The following ATF3 variants were observed in gnomAD, a reference collection of about 807,000 sequenced individuals.
ATF3 encodes activating transcription factor 3.
ATF3 carries 10 observed loss-of-function variants against 18.4 expected under a neutral mutation model. That is an observed-to-expected ratio of 0.54 (90% CI 0.34 to 0.92). The LOEUF is 0.92. Among genes scored for constraint, ATF3 ranks in the 40% least tolerant of loss-of-function variants. The pLI, the probability that ATF3 is intolerant of heterozygous loss-of-function variation, is 0.02. For synonymous variants in ATF3, 78 were observed against 87.9 expected (o/e 0.89, Z 0.63); for missense variants, 183 against 222.3 (o/e 0.82, Z 1.12).
chr1:212,614,284 C>T (rs112179309), intron 1 of ATF3, among the ~76,000 whole-genome samples: 188 of 152,306 alleles, frequency 1.2e-3, no homozygotes, highest in African/African-American at 3.9e-3. Flanking sequence ...ACAACTCCCC[C>T]ACAATACAGT....
chr1:212,585,233 G>T (rs944711513), intron 1 of ATF3, among the ~76,000 whole-genome samples: 2 of 152,204 alleles, frequency 1.3e-5, no homozygotes, highest in Non-Finnish European at 2.9e-5. Flanking sequence ...GGGCTGCTGA[G>T]CCCAGGGGAC....
At chr1:212,612,235 A>T (rs11571532) in intron 1 of ATF3, among the ~76,000 whole-genome samples, 6,237 of 152,308 alleles carry the variant, frequency 0.041, 191 homozygotes, top group Middle Eastern at 0.11. Context: ...AAAGCATTCC[A>T]TACCACTGAC....
At position 212,593,740 on chromosome 1, in the gene ATF3, C is replaced by CT. The variant is rs201061307; in HGVS notation, c.-4-21275dup. Among the ~76,000 whole-genome samples the CT allele has an allele frequency of 1.1e-3, 82 of 71,908 alleles. 3 individuals carry two copies. Among genetic ancestry groups the CT allele is most frequent in the South Asian group, 2.8e-3 (6 of 2,116 alleles). 47.2% of individuals were successfully genotyped at this position (71,908 alleles called of 152,430 possible). A position where few individuals can be genotyped will look rare whatever the true frequency, so the allele number is the denominator to read the frequency against. ...TGGATGATAGAGAGAGACCCTGTCT[C>CT]TTTAAAAAAAAAAAAAAAAAAAAAA... On this transcript the variant is annotated intron_variant, in intron 1 of 3. Coordinates refer to the ATF3 transcript ENST00000366981.
chr1:212,573,282 G>A (rs1416075639), intron 1 of ATF3, among the ~76,000 whole-genome samples: 1 of 152,030 alleles, frequency 6.6e-6, no homozygotes, highest in Non-Finnish European at 1.5e-5. Context: ...GTTAATAAAA[G>A]TTCTTAAATT....
intron 1 of ATF3, among the ~76,000 whole-genome samples, chr1:212,587,314 A>G (rs1032877976): frequency 6.6e-6 from 1 of 152,266 alleles, no homozygotes; most frequent in African/African-American, 2.4e-5. Context: ...TTTTATCTGC[A>G]TTAGACAGAC....
intron 1 of ATF3, among the ~76,000 whole-genome samples, chr1:212,598,697 G>A (rs912757092): frequency 2.6e-5 from 4 of 152,142 alleles, no homozygotes; most frequent in Admixed American, 6.5e-5. Context: ...CTGCAAATAC[G>A]TGAGAACATA....
intron 1 of ATF3, among the ~76,000 whole-genome samples, chr1:212,602,928 T>C (rs1210796647): frequency 2.0e-5 from 3 of 152,244 alleles, no homozygotes; most frequent in Non-Finnish European, 4.4e-5. Context: ...ATATGTTTAA[T>C]ACAACACAAT....
At chr1:212,616,526 G>T (rs1303036330) in intron 2 of ATF3, among the ~76,000 whole-genome samples, 1 of 152,094 alleles carries the variant, frequency 6.6e-6, no homozygotes, top group East Asian at 1.9e-4. Context: ...TCGAACTCCT[G>T]ACCTCAGGTA....
At chr1:212,566,527 A>C (rs1664385488) in intron 1 of ATF3, among the ~76,000 whole-genome samples, 1 of 152,168 alleles carries the variant, frequency 6.6e-6, no homozygotes, top group Non-Finnish European at 1.5e-5. Context: ...GGGGTAAGGC[A>C]GGCTGAGGGG....
intron 1 of ATF3, 32 bp from the exon 2 acceptor site, chr1:212,614,986 T>G (rs1204713669): frequency 6.2e-7 from 1 of 1,614,152 alleles, no homozygotes; most frequent in Non-Finnish European, 8.5e-7. Flanking sequence ...CCAGAGCCCC[T>G]GAAACAGTTT....
chr1:212,569,929 T>C (rs918980100), intron 1 of ATF3, among the ~76,000 whole-genome samples: 11 of 152,162 alleles, frequency 7.2e-5, no homozygotes, highest in African/African-American at 2.7e-4. Context: ...ATATGAATCA[T>C]AGTCTTTGAT....
chr1:212,589,847 G>A (rs1184491479), intron 1 of ATF3, among the ~76,000 whole-genome samples: 2 of 143,930 alleles, frequency 1.4e-5, no homozygotes, highest in East Asian at 2.0e-4. Context: ...TCAGTTTAAC[G>A]TTTCTGCAAT....
intron 1 of ATF3, among the ~76,000 whole-genome samples, chr1:212,599,015 T>C (rs1331234024): frequency 6.6e-6 from 1 of 152,216 alleles, no homozygotes; most frequent in East Asian, 1.9e-4. Flanking sequence ...AGCTCTACTT[T>C]TGGTTTTTTG....
At chr1:212,614,956 G>C in intron 1 of ATF3, 62 bp from the exon 2 acceptor site, 1 of 1,613,646 alleles carries the variant, frequency 6.2e-7, no homozygotes, top group South Asian at 1.1e-5. Flanking sequence ...TGGTGGGGGA[G>C]GGGGACTTGA....
chr1:212,574,448 A>G (rs1194689070), intron 1 of ATF3, among the ~76,000 whole-genome samples: 2 of 152,046 alleles, frequency 1.3e-5, no homozygotes, highest in Non-Finnish European at 2.9e-5. Context: ...TGGTATATTC[A>G]TCACAAATGC....
chr1:212,572,304 G>A (rs1023742006), intron 1 of ATF3, among the ~76,000 whole-genome samples: 4 of 152,046 alleles, frequency 2.6e-5, no homozygotes, highest in African/African-American at 9.7e-5. Flanking sequence ...ATCCCCTGAG[G>A]TAGGGGGTTC....
At chr1:212,603,812 C>A (rs1190266226), upstream of ATF3, among the ~76,000 whole-genome samples, 1 of 140,796 alleles carries the variant, frequency 7.1e-6, no homozygotes, top group African/African-American at 2.7e-5. Context: ...TCTATATAAT[C>A]TTTTGTATAT....
Position 212,619,147 on chromosome 1 carries a change from C to T in ATF3, c.349-211C>T, listed in dbSNP as rs201880223. 108 of 1,613,896 alleles carry T rather than the reference C, an allele frequency of 6.7e-5. No homozygotes were observed. In the African/African-American group the frequency reaches 7.6e-4, roughly 11 times the overall value. On this transcript the variant is annotated intron_variant, in intron 3 of 3. Transcript: ENST00000341491. The surrounding 1 kb of genome is among the most constrained non-coding windows in gnomAD (Gnocchi z 4.4). The stretch of plus-strand genomic sequence containing the variant: ...CTTCAGTATTAGCAGAGCCACAGGC[C>T]GCCTCTGTGGCATCACCAGGGTTTC...
At chr1:212,615,841 G>A (rs1015690417) in intron 2 of ATF3, among the ~76,000 whole-genome samples, 3 of 148,542 alleles carry the variant, frequency 2.0e-5, no homozygotes, top group African/African-American at 7.4e-5. Flanking sequence ...CCAGGCTGGG[G>A]TGCAGTGGGG....
Sources: allele counts gnomAD v4.1 joint callset (sites outside exome capture counted in the v4.1 genomes callset), GRCh38; gene constraint gnomAD v4.1.1; non-coding constraint Gnocchi (gnomAD v3.1); transcripts MANE v1.5; gene names NCBI Gene and HGNC (gene_info 2026-07-23, HGNC 2026-07-21).